The following NEGR1 variants were observed in gnomAD, a reference collection of about 807,000 sequenced individuals.
The protein encoded by NEGR1 is neuronal growth regulator 1.
In NEGR1, 10 loss-of-function variants were observed where a neutral mutation model predicts 40.9. The observed-to-expected ratio is 0.24, with a 90% CI of 0.15 to 0.42. The LOEUF (loss-of-function observed/expected upper bound fraction) is 0.42, where lower values mean the gene tolerates loss of function less well. Ranked by LOEUF, NEGR1 falls within the 10% of genes least tolerant of loss-of-function variation. The pLI, the probability that NEGR1 is intolerant of heterozygous loss-of-function variation, is 1.00. For missense variants in NEGR1, 352 were observed against 438.9 expected, an observed-to-expected ratio of 0.80 and a Z score of 1.77; for synonymous variants, 185 against 166.8, an observed-to-expected ratio of 1.11 and a Z score of -0.84.
intron 1 of NEGR1, among the ~76,000 whole-genome samples, chr1:72,113,621 C>T (rs1649469753): frequency 1.3e-5 from 2 of 151,484 alleles, no homozygotes; most frequent in Admixed American, 1.3e-4. Flanking sequence ...GATAAGAGCA[C>T]AAGGAAAGTG....
In NEGR1 at chr1:71,428,812, T is replaced by A. The variant is rs540638813; in HGVS notation, c.941-21242A>T. On this transcript the variant is annotated intron_variant, in intron 6 of 6. Coordinates refer to ENST00000357731, the MANE Select transcript of NEGR1 (RefSeq NM_173808.3). ...AGTCTATGAAGTTTTAAAATCTTTG[T>A]TCTTAAGCACTTTGCAATGCTGCCC... 2.2e-3 allele frequency among the ~76,000 whole-genome samples: 329 copies of A among 152,006 alleles called. 1 individual carries two copies. Among genetic ancestry groups the A allele is most frequent in the African/African-American group, 7.6e-3 (316 of 41,544 alleles).
intron 6 of NEGR1, among the ~76,000 whole-genome samples, chr1:71,508,078 G>T (rs1252291678): frequency 6.6e-6 from 1 of 152,018 alleles, no homozygotes. Context: ...TTATATACTG[G>T]CCCATATCCT....
rs59891062 is a variant in NEGR1 at position 71,865,992 on chromosome 1, A to T, written c.409+69087T>A. On this transcript the variant is annotated intron_variant, in intron 2 of 6. Coordinates refer to ENST00000357731, the MANE Select transcript of NEGR1 (RefSeq NM_173808.3). ...AGTCCATTGTTCTTCTGTGTTGATT[A>T]TGTTATTTTCAAACTGCCAACATTT... 1.5e-4 allele frequency among the ~76,000 whole-genome samples: 23 copies of T among 152,278 alleles called. 1 individual carries two copies. In the East Asian group the frequency reaches 3.9e-3, roughly 26 times the overall value.
intron 2 of NEGR1, among the ~76,000 whole-genome samples, chr1:71,826,488 A>C (rs1307947188): frequency 6.6e-6 from 1 of 151,812 alleles, no homozygotes; most frequent in Non-Finnish European, 1.5e-5. Context: ...GCTGCTTCCC[A>C]CTTAAGTGGG....
At chr1:71,595,649 C>A (rs1649673084) in intron 5 of NEGR1, among the ~76,000 whole-genome samples, 1 of 152,160 alleles carries the variant, frequency 6.6e-6, no homozygotes, top group Non-Finnish European at 1.5e-5. Context: ...AGGGACAAGA[C>A]TGGGCAACCC....
chr1:71,653,080 T>C (rs1651769408), intron 4 of NEGR1, among the ~76,000 whole-genome samples: 1 of 151,228 alleles, frequency 6.6e-6, no homozygotes, highest in African/African-American at 2.4e-5. Flanking sequence ...ACTTAGTTAA[T>C]GCTTACAAAT....
intron 1 of NEGR1, among the ~76,000 whole-genome samples, chr1:72,268,235 A>G (rs984677357): frequency 2.6e-5 from 4 of 151,460 alleles, no homozygotes; most frequent in African/African-American, 9.7e-5. Context: ...AAGAAAGAAA[A>G]CTGATAATGA....
chr1:71,605,400 G>C (rs188259974), intron 5 of NEGR1, among the ~76,000 whole-genome samples: 1 of 152,144 alleles, frequency 6.6e-6, no homozygotes, highest in Admixed American at 6.5e-5. Context: ...AAAAGAGGAG[G>C]GAATTCAACG....
chr1:71,715,221 C>G (rs1654236001), intron 3 of NEGR1, among the ~76,000 whole-genome samples: 1 of 152,188 alleles, frequency 6.6e-6, no homozygotes, highest in Admixed American at 6.5e-5. Context: ...GGCACCAAGT[C>G]CTGAGACTGC....
intron 6 of NEGR1, among the ~76,000 whole-genome samples, chr1:71,424,606 G>A (rs752410547): frequency 1.8e-4 from 27 of 152,186 alleles, no homozygotes; most frequent in Non-Finnish European, 2.9e-4. Context: ...ATGAAGTCTT[G>A]TAAAAGCAGG....
intron 6 of NEGR1, among the ~76,000 whole-genome samples, chr1:71,443,135 T>C (rs1646559138): frequency 6.6e-6 from 1 of 152,246 alleles, no homozygotes; most frequent in Non-Finnish European, 1.5e-5. Context: ...TCGCTTTAGC[T>C]ATCTAAACAT....
intron 2 of NEGR1, among the ~76,000 whole-genome samples, chr1:71,896,553 GTTTAA>G (rs1454958017): frequency 6.6e-6 from 1 of 152,058 alleles, no homozygotes; most frequent in Non-Finnish European, 1.5e-5. Context: ...TTTTGGTTAA[GTTTAA>G]TTTATCTATT....
At chr1:72,096,799 T>C (rs1648717714) in intron 1 of NEGR1, among the ~76,000 whole-genome samples, 1 of 152,092 alleles carries the variant, frequency 6.6e-6, no homozygotes, top group African/African-American at 2.4e-5. Context: ...TAGCTGGGAC[T>C]GCTGGCGCCC....
intron 1 of NEGR1, among the ~76,000 whole-genome samples, chr1:71,956,106 A>G (rs149785400): frequency 1.4e-3 from 215 of 152,294 alleles, no homozygotes; most frequent in African/African-American, 4.9e-3. Context: ...GGGCAACCAT[A>G]TGCTATTCCA....
At chr1:72,127,378 G>A (rs934205653) in intron 1 of NEGR1, among the ~76,000 whole-genome samples, 3 of 147,484 alleles carry the variant, frequency 2.0e-5, no homozygotes, top group Non-Finnish European at 4.5e-5. Flanking sequence ...GCAGGAGAAT[G>A]GCGTGAACCC....
At chr1:72,191,976 CT>C (rs1652835203) in intron 1 of NEGR1, among the ~76,000 whole-genome samples, 1 of 151,916 alleles carries the variant, frequency 6.6e-6, no homozygotes, top group Admixed American at 6.6e-5. Flanking sequence ...CTACTTATCA[CT>C]GAGTATCAAT....
At chr1:71,655,721 C>T (rs1033539974) in intron 4 of NEGR1, among the ~76,000 whole-genome samples, 1 of 152,110 alleles carries the variant, frequency 6.6e-6, no homozygotes, top group Non-Finnish European at 1.5e-5. Context: ...CTTGTTCTCA[C>T]AGAGTTCTAT....
At chr1:71,954,266 A>C (rs1646098028) in intron 1 of NEGR1, among the ~76,000 whole-genome samples, 3 of 151,980 alleles carry the variant, frequency 2.0e-5, no homozygotes. Flanking sequence ...AGAGTGTATG[A>C]AAGAAGTGGG....
At chr1:71,961,584 T>C (rs897283068) in intron 1 of NEGR1, among the ~76,000 whole-genome samples, 6 of 152,086 alleles carry the variant, frequency 3.9e-5, no homozygotes, top group Non-Finnish European at 7.4e-5. Flanking sequence ...CAGGTGGTAA[T>C]GAGAATGGGT....
Sources: allele counts gnomAD v4.1 joint callset (sites outside exome capture counted in the v4.1 genomes callset), GRCh38; gene constraint gnomAD v4.1.1; transcripts MANE v1.5; gene names NCBI Gene and HGNC (gene_info 2026-07-23, HGNC 2026-07-21).